Variants in FABP12 observed in about 807,000 individuals in gnomAD.
The protein encoded by FABP12 is fatty acid binding protein 12, also known as fatty acid-binding protein 12.
Under a neutral mutation model 13.7 loss-of-function variants are expected in FABP12, and 19 were observed. The observed-to-expected ratio is 1.39, with a 90% CI of 0.97 to 2.04. FABP12 has a LOEUF of 2.04. FABP12 is among the 30% of genes most tolerant of loss of function. The pLI is 0.00. For synonymous variants in FABP12, 61 were observed against 57.0 expected (o/e 1.07, Z -0.32); for missense variants, 182 against 164.2 (o/e 1.11, Z -0.59).
intron 1 of FABP12, among the ~76,000 whole-genome samples, chr8:81,572,416 G>C (rs899998012): frequency 1.3e-5 from 2 of 152,186 alleles, no homozygotes; most frequent in Admixed American, 1.3e-4. Flanking sequence ...GTATAAACAT[G>C]TATGTGCAAG....
At chr8:81,543,812 C>G (rs1318299053) in intron 1 of FABP12, among the ~76,000 whole-genome samples, 1 of 147,840 alleles carries the variant, frequency 6.8e-6, no homozygotes, top group Non-Finnish European at 1.5e-5. Flanking sequence ...ACTTGTGATG[C>G]TGATAGGATT....
chr8:81,533,444 G>A (rs1342454824), intron 1 of FABP12, among the ~76,000 whole-genome samples: 1 of 152,182 alleles, frequency 6.6e-6, no homozygotes, highest in African/African-American at 2.4e-5. Context: ...TCCCTGACCA[G>A]CTTTTCAGAC....
intron 1 of FABP12, among the ~76,000 whole-genome samples, chr8:81,563,907 A>G (rs1658230072): frequency 6.6e-6 from 1 of 152,200 alleles, no homozygotes; most frequent in Admixed American, 6.5e-5. Flanking sequence ...TCCCAAACTT[A>G]GAGAAAGATA....
chr8:81,543,493 T>A (rs1287548587), intron 1 of FABP12, among the ~76,000 whole-genome samples: 2 of 152,196 alleles, frequency 1.3e-5, no homozygotes, highest in African/African-American at 4.8e-5. Context: ...AAAATTAATT[T>A]AGGAGATTAT....
At chr8:81,538,540 AG>A (rs1431306274), upstream of FABP12, among the ~76,000 whole-genome samples, 3 of 152,192 alleles carry the variant, frequency 2.0e-5, no homozygotes, top group East Asian at 3.9e-4. Context: ...TGGAGACAAA[AG>A]AAAAGGTCAC....
chr8:81,582,216 G>A (rs55841517), intron 1 of FABP12, among the ~76,000 whole-genome samples: 3,928 of 136,850 alleles, frequency 0.029, 75 homozygotes, highest in Non-Finnish European at 0.042. Context: ...TCTGCCTCCC[G>A]GGTTCAAGTG....
rs145028413 is a variant in FABP12, at chr8:81,545,164, G to T, written c.-184-5421C>A. ...GCCTCCCAAATAGCTGAGATTACAG[G>T]CACCTGCCACCATGCCCGACTAGAG... On this transcript the variant is annotated intron_variant, in intron 1 of 5. Coordinates refer to the FABP12 transcript ENST00000692030. 3.3e-3 allele frequency among the ~76,000 whole-genome samples: 508 copies of T among 152,278 alleles called. 2 individuals carry two copies. The highest frequency in any genetic ancestry group is 5.5e-3 in the Non-Finnish European group (373 of 68,014).
At chr8:81,586,527 T>C (rs1299923181) in intron 1 of FABP12, among the ~76,000 whole-genome samples, 1 of 152,226 alleles carries the variant, frequency 6.6e-6, no homozygotes, top group Admixed American at 6.5e-5. Flanking sequence ...TTTTTAATAA[T>C]AGCCATTCTG....
chr8:81,585,912 G>T (rs546715133), intron 1 of FABP12, among the ~76,000 whole-genome samples: 1 of 152,194 alleles, frequency 6.6e-6, no homozygotes, highest in Non-Finnish European at 1.5e-5. Flanking sequence ...CATGTTGTGG[G>T]TGTTTGGTGT....
At chr8:81,531,212 T>G in intron 2 of FABP12, 31 bp downstream of exon 2, 1 of 1,520,084 alleles carries the variant, frequency 6.6e-7, no homozygotes, top group Non-Finnish European at 9.1e-7. Context: ...CCATTTTTAC[T>G]GGATATGATA....
intron 1 of FABP12, among the ~76,000 whole-genome samples, chr8:81,560,234 G>A (rs986411311): frequency 2.0e-5 from 3 of 152,120 alleles, no homozygotes; most frequent in Non-Finnish European, 2.9e-5. Flanking sequence ...GGCCCCTACT[G>A]CCCTCCCCTT....
intron 1 of FABP12, among the ~76,000 whole-genome samples, chr8:81,565,400 C>T (rs1167147349): frequency 1.3e-5 from 2 of 152,028 alleles, no homozygotes; most frequent in Admixed American, 6.5e-5. Flanking sequence ...TTCCCCAGCA[C>T]ATGGATCATT....
chr8:81,574,414 CTTTT>C (rs1183987490), intron 1 of FABP12, among the ~76,000 whole-genome samples: 1 of 151,430 alleles, frequency 6.6e-6, no homozygotes, highest in African/African-American at 2.4e-5. Context: ...CTGTAGTTTT[CTTTT>C]TTTGTTTGTG....
chr8:81,589,088 C>A (rs1476271187), intron 1 of FABP12, among the ~76,000 whole-genome samples: 1 of 152,082 alleles, frequency 6.6e-6, no homozygotes, highest in African/African-American at 2.4e-5. Context: ...GCTGAAGGAA[C>A]CAGCAACTAG....
chr8:81,589,204 G>A (rs1215015525), intron 1 of FABP12, among the ~76,000 whole-genome samples: 1 of 152,144 alleles, frequency 6.6e-6, no homozygotes, highest in Admixed American at 6.5e-5. Context: ...AGTCATGGGA[G>A]GAATCTTCAA....
intron 1 of FABP12, among the ~76,000 whole-genome samples, chr8:81,585,131 T>C (rs1810223341): frequency 6.6e-6 from 1 of 152,194 alleles, no homozygotes; most frequent in Admixed American, 6.5e-5. Flanking sequence ...CCTGTGTTTT[T>C]AAGGTCACAG....
chr8:81,549,891 A>G (rs968585488), intron 1 of FABP12, among the ~76,000 whole-genome samples: 1 of 152,210 alleles, frequency 6.6e-6, no homozygotes, highest in Non-Finnish European at 1.5e-5. Context: ...TTTTGCTCAC[A>G]TACATCTTTT....
At chr8:81,587,073 T>C (rs1211588634) in intron 1 of FABP12, among the ~76,000 whole-genome samples, 2 of 152,188 alleles carry the variant, frequency 1.3e-5, no homozygotes, top group African/African-American at 2.4e-5. Flanking sequence ...TGCTTGTTAT[T>C]GTTGGCTTTA....
intron 3 of FABP12, 182 bp downstream of exon 3, chr8:81,529,256 G>A (rs868271270): frequency 4.2e-5 from 27 of 647,416 alleles, no homozygotes; most frequent in African/African-American, 1.3e-4. Flanking sequence ...GTGAGCAGGA[G>A]GCATTTTTCA....
Sources: allele counts gnomAD v4.1 joint callset (sites outside exome capture counted in the v4.1 genomes callset), GRCh38; gene constraint gnomAD v4.1.1; transcripts MANE v1.5; gene names NCBI Gene and HGNC (gene_info 2026-07-23, HGNC 2026-07-21).